The following RAF1 variants were observed in gnomAD, a reference collection of about 807,000 sequenced individuals.
RAF1 encodes the protein RAF proto-oncogene serine/threonine-protein kinase.
A neutral mutation model predicts 81.1 loss-of-function variants in RAF1; 27 were observed. The observed-to-expected ratio is 0.33, with a 90% CI of 0.25 to 0.46. The LOEUF (loss-of-function observed/expected upper bound fraction) is 0.46. RAF1 is among the 20% of genes least tolerant of loss of function. The probability of loss-of-function intolerance (pLI) is 1.00; values close to 1 mark genes in which losing one functional copy is unlikely to be tolerated. For missense variants in RAF1, 598 were observed against 826.0 expected (o/e 0.72, Z 3.38); for synonymous variants, 298 against 294.0 (o/e 1.01, Z -0.14).
intron 5 of RAF1, among the ~76,000 whole-genome samples, chr3:12,607,434 G>A (rs2059068857): frequency 6.6e-6 from 1 of 152,126 alleles, no homozygotes; most frequent in Non-Finnish European, 1.5e-5. Context: ...GATTGCTTGA[G>A]CTCAGGAGTT....
chr3:12,589,224 A>C (rs1004837895), intron 13 of RAF1: 3 of 152,238 alleles, frequency 2.0e-5, no homozygotes, highest in Non-Finnish European at 4.4e-5. Flanking sequence ...GGGATAATGA[A>C]AATGTTCTAA....
chr3:12,614,496 G>A (rs1162049080), intron 2 of RAF1, among the ~76,000 whole-genome samples: 7 of 151,976 alleles, frequency 4.6e-5, no homozygotes, highest in Admixed American at 4.6e-4. Flanking sequence ...ACAATGGCAT[G>A]ATCATGACAC....
At chr3:12,626,284 A>T (rs887687415) in intron 1 of RAF1, among the ~76,000 whole-genome samples, 5 of 151,606 alleles carry the variant, frequency 3.3e-5, no homozygotes, top group South Asian at 2.1e-4. Flanking sequence ...TTAAAAAAAA[A>T]ATTTTTTTTA....
chr3:12,638,855 G>A (rs1336686811), intron 1 of RAF1, among the ~76,000 whole-genome samples: 12 of 152,086 alleles, frequency 7.9e-5, no homozygotes. Flanking sequence ...GGCCAACACG[G>A]CCTAAAAATA....
rs111560125 is a variant in RAF1 at position 12,646,632 on chromosome 3, C to A, written c.-27+17181G>T. 2.4e-4 allele frequency among the ~76,000 whole-genome samples: 37 copies of A among 151,562 alleles called. 1 individual carries two copies. The highest frequency in any genetic ancestry group is 8.0e-4 in the African/African-American group (33 of 41,320). ...ATGGCACAATATCGGCTCATTGCAA[C>A]CTCCACCTCCCGGGTTCACATGATT... On this transcript the variant is annotated intron_variant, in intron 1 of 17. Coordinates refer to ENST00000442415, the MANE Select transcript of RAF1 (RefSeq NM_001354689.3).
chr3:12,635,625 A>G (rs2059998457), intron 1 of RAF1, among the ~76,000 whole-genome samples: 1 of 108,884 alleles, frequency 9.2e-6, no homozygotes, highest in Non-Finnish European at 1.8e-5. Flanking sequence ...AAAAAGAGTG[A>G]AACTCCAGCT....
chr3:12,645,941 A>G (rs897634144), intron 1 of RAF1, among the ~76,000 whole-genome samples: 6 of 152,212 alleles, frequency 3.9e-5, no homozygotes, highest in South Asian at 2.1e-4. Flanking sequence ...GGAGGAAAGA[A>G]AAAGACTGTA....
At chr3:12,648,932 T>C (rs1199394509) in intron 1 of RAF1, among the ~76,000 whole-genome samples, 1 of 152,170 alleles carries the variant, frequency 6.6e-6, no homozygotes, top group Admixed American at 6.6e-5. Flanking sequence ...CTGACCAACA[T>C]GGAGAAACCC....
intron 1 of RAF1, among the ~76,000 whole-genome samples, chr3:12,661,451 C>A (rs1366475159): frequency 6.6e-6 from 1 of 151,232 alleles, no homozygotes; most frequent in Admixed American, 6.6e-5. Context: ...TGCCTGTAAT[C>A]CCAGCGAGGC....
intron 3 of RAF1, among the ~76,000 whole-genome samples, chr3:12,610,575 C>A (rs963588976): frequency 1.3e-5 from 2 of 152,160 alleles, no homozygotes; most frequent in Non-Finnish European, 2.9e-5. Context: ...CCAACCTGGG[C>A]TACCTTCAGC....
rs71063851 is a variant in RAF1 at position 12,634,153 on chromosome 3, C to CTTTT, written c.-26-15410_-26-15407dup. On this transcript the variant is annotated intron_variant, in intron 1 of 17. Coordinates refer to ENST00000442415, the MANE Select transcript of RAF1 (RefSeq NM_001354689.3). The stretch of plus-strand genomic sequence containing the variant: ...TTGAACCTCCATGATTCCTTTCTCT[C>CTTTT]TTTTTTTTTTTTTGAGATGAGTCTT... Among the ~76,000 whole-genome samples the CTTTT allele has an allele frequency of 1.1e-3, 149 of 141,502 alleles. 3 individuals are homozygous for CTTTT. The highest frequency in any genetic ancestry group is 3.5e-3 in the Middle Eastern group (1 of 284). 92.8% of individuals were successfully genotyped at this position (141,502 alleles called of 152,430 possible).
At chr3:12,595,822 T>A (rs992339709) in intron 11 of RAF1, among the ~76,000 whole-genome samples, 1 of 152,122 alleles carries the variant, frequency 6.6e-6, no homozygotes, top group Non-Finnish European at 1.5e-5. Context: ...TACAGCATAC[T>A]ATATATTCTA....
chr3:12,622,087 T>G (rs529836771), intron 1 of RAF1, among the ~76,000 whole-genome samples: 2 of 152,218 alleles, frequency 1.3e-5, no homozygotes, highest in Non-Finnish European at 1.5e-5. Flanking sequence ...AGCCTCAACC[T>G]GAGCCCTGAC....
chr3:12,614,640 GGTCTCAAACTCCT>G (rs1366148272), intron 2 of RAF1, among the ~76,000 whole-genome samples: 4 of 151,534 alleles, frequency 2.6e-5, no homozygotes, highest in Middle Eastern at 3.2e-3. Context: ...TGCCCAGGCT[GGTCTCAAACTCCT>G]GGGCTCAAGC....
intron 2 of RAF1, among the ~76,000 whole-genome samples, chr3:12,615,821 G>A (rs2125444347): frequency 6.6e-6 from 1 of 152,258 alleles, no homozygotes; most frequent in East Asian, 1.9e-4. Context: ...GGAAGACGAG[G>A]CAGGCGGATC....
chr3:12,596,921 C>T (rs533727607), intron 11 of RAF1, among the ~76,000 whole-genome samples: 6 of 148,902 alleles, frequency 4.0e-5, no homozygotes, highest in South Asian at 4.2e-4. Context: ...TTTTTTGAGA[C>T]GGAGTCTCGC....
chr3:12,625,068 T>G (rs184498605), intron 1 of RAF1, among the ~76,000 whole-genome samples: 4 of 152,208 alleles, frequency 2.6e-5, no homozygotes, highest in Admixed American at 2.6e-4. Context: ...TTTTATCAAT[T>G]TGTAAAATTT....
In RAF1 at chr3:12,609,326, T is replaced by C. The variant is rs1420072067; in HGVS notation, c.330A>G (p.Ala110=). The stretch of plus-strand genomic sequence containing the variant: ...CAGCATCAGTATTCCAATCTAAGCG[T>C]GCTTTTTTACTAGAAAGGATTTAAA... Residue 110 remains alanine (A), a synonymous_variant, in exon 4 of 18, where the codon GCA becomes GCG. Coordinates refer to ENST00000442415, the MANE Select transcript of RAF1 (RefSeq NM_001354689.3). 1.2e-6 allele frequency: 2 copies of C among 1,611,424 alleles called. No individual in the cohort carries two copies. Among genetic ancestry groups the C allele is most frequent in the East Asian group, 2.2e-5 (1 of 44,840 alleles).
At chr3:12,648,795 T>A (rs2060431266) in intron 1 of RAF1, among the ~76,000 whole-genome samples, 1 of 151,634 alleles carries the variant, frequency 6.6e-6, no homozygotes, top group Non-Finnish European at 1.5e-5. Context: ...TACACTTCCT[T>A]CTGGAGTCAA....
Sources: allele counts gnomAD v4.1 joint callset (sites outside exome capture counted in the v4.1 genomes callset), GRCh38; gene constraint gnomAD v4.1.1; transcripts MANE v1.5; gene names NCBI Gene and HGNC (gene_info 2026-07-23, HGNC 2026-07-21).